Variants in CFHR3 observed in about 807,000 individuals in gnomAD.
CFHR3 encodes complement factor H-related protein 3.
Under a neutral mutation model 36.0 loss-of-function variants are expected in CFHR3, and 22 were observed. The observed-to-expected ratio is 0.61, with a 90% CI of 0.44 to 0.87. The LOEUF (loss-of-function observed/expected upper bound fraction) is 0.87. Ranked by LOEUF, CFHR3 falls within the 40% of genes least tolerant of loss-of-function variation. CFHR3 has a pLI of 0.00. For synonymous variants in CFHR3, 97 were observed against 137.4 expected, an observed-to-expected ratio of 0.71 and a Z score of 2.06; for missense variants, 276 against 401.3, an observed-to-expected ratio of 0.69 and a Z score of 2.67.
intron 3 of CFHR3, among the ~76,000 whole-genome samples, chr1:196,781,582 T>G (rs1653950201): frequency 7.3e-6 from 1 of 137,298 alleles, no homozygotes; most frequent in Non-Finnish European, 1.5e-5. Flanking sequence ...ATGTGTTTTT[T>G]GGCTGCGTAA....
Position 196,788,330 on chromosome 1 carries a change from C to A in CFHR3, c.545C>A (p.Ala182Glu), listed in dbSNP as rs746828567. The A allele has an allele frequency of 1.3e-6, 2 of 1,528,092 alleles. No individual in the cohort carries two copies. Among genetic ancestry groups the A allele is most frequent in the Non-Finnish European group, 1.8e-6 (2 of 1,131,320 alleles). The allele number at this position is 1,528,092 out of a possible 1,614,324, so 94.7% of individuals were successfully genotyped here. The stretch of plus-strand genomic sequence containing the variant: ...AAATGTAAACCAGGATATGCAACAG[C>A]AGATGGAAATTCTTCAGGATCAATT... Reference protein sequence around the residue: ...QYKCKPGYATADGNSSGSITC... With the variant: ...QYKCKPGYATEDGNSSGSITC... The change falls in exon 4 of 6, where the codon GCA becomes GAA. Residue 182 changes from alanine (A) to glutamate (E), a missense_variant. Physicochemically the swap from Ala to Glu is moderately radical, Grantham distance 107. Around this residue, in one of 3 missense-constraint regions of CFHR3, gnomAD observed 178 missense variants for 247.2 expected, o/e 0.72. Coordinates refer to ENST00000367425, the MANE Select transcript of CFHR3 (RefSeq NM_021023.6).
chr1:196,778,796 T>C (rs1653832343), intron 1 of CFHR3, among the ~76,000 whole-genome samples: 1 of 137,048 alleles, frequency 7.3e-6, no homozygotes, highest in East Asian at 2.0e-4. Context: ...AGCTTTAGCA[T>C]AACTTGGTAT....
chr1:196,777,263 G>C (rs1445417470), intron 1 of CFHR3, among the ~76,000 whole-genome samples: 1 of 136,682 alleles, frequency 7.3e-6, no homozygotes, highest in Non-Finnish European at 1.6e-5. Context: ...CAGGTTGTCA[G>C]GAAAATTATT....
At position 196,783,961 on chromosome 1, in the gene CFHR3, C is replaced by T. The variant is rs1203902540; in HGVS notation, c.430+3988C>T. Among the ~76,000 whole-genome samples the T allele has an allele frequency of 2.9e-5, 4 of 135,676 alleles. 1 individual carries two copies. Among genetic ancestry groups the T allele is most frequent in the African/African-American group, 1.2e-4 (4 of 32,144 alleles). The allele number at this position is 135,676 out of a possible 152,430, so 89.0% of individuals were successfully genotyped here. A position where few individuals can be genotyped will look rare whatever the true frequency, so the allele number is the denominator to read the frequency against. On this transcript the variant is annotated intron_variant, in intron 3 of 5. Coordinates refer to ENST00000367425, the MANE Select transcript of CFHR3 (RefSeq NM_021023.6). Reference sequence around the variant, plus strand: ...ATTTAGTGCTATAAATTTCCCTCTACACACTGCTTTGAATGTGTCCCATAG... The same window carrying T: ...ATTTAGTGCTATAAATTTCCCTCTATACACTGCTTTGAATGTGTCCCATAG...
intron 3 of CFHR3, among the ~76,000 whole-genome samples, chr1:196,786,188 C>T (rs1200619414): frequency 7.4e-6 from 1 of 135,678 alleles, no homozygotes; most frequent in Admixed American, 7.1e-5. Flanking sequence ...AGTACCCGGC[C>T]GTGTGAGGTG....
rs1193104548 is a variant in CFHR3, at chr1:196,779,230, T to C, written c.127T>C (p.Phe43Leu). ...LFHENMRRPY[F>L]PVAVGKYYSY... is the part of the protein sequence containing the mutation. Reference sequence around the variant, plus strand: ...TCATGAGAATATGCGTAGACCATACTTTCCAGTAGCTGTAGGAAAATATTA... The same window carrying C: ...TCATGAGAATATGCGTAGACCATACCTTCCAGTAGCTGTAGGAAAATATTA... Residue 43 changes from phenylalanine to leucine, a missense_variant, in exon 2 of 6, where the codon TTT becomes CTT. By Grantham distance (22) the Phe-to-Leu change is conservative (BLOSUM62 0). This residue lies in a region of CFHR3 where 178 missense variants were observed against 247.2 expected (regional missense o/e 0.72). Transcript: ENST00000367425. 1.3e-6 allele frequency: 2 copies of C among 1,529,540 alleles called. 1 individual carries two copies. The highest frequency in any genetic ancestry group is 4.5e-5 in the East Asian group (2 of 44,624). 94.7% of individuals were successfully genotyped at this position (1,529,540 alleles called of 1,614,324 possible). A position where few individuals can be genotyped will look rare whatever the true frequency, so the allele number is the denominator to read the frequency against.
chr1:196,780,015 C>T, intron 3 of CFHR3, 42 bp downstream of exon 3: 1 of 1,527,590 alleles, frequency 6.5e-7, no homozygotes. Context: ...TCATGTCTTT[C>T]TAAGTAACAC....
At position 196,788,930 on chromosome 1, in the gene CFHR3, A is replaced by G. The variant is rs1654315950; in HGVS notation, c.613+532A>G. On this transcript the variant is annotated intron_variant, in intron 4 of 5. Transcript: ENST00000367425. ...CCCTATTGTTTACTACAGAGAAAACAAGTAAAGGAAAAGGGTAAGTGGGTG... is the reference window on the plus strand; with the variant it reads ...CCCTATTGTTTACTACAGAGAAAACGAGTAAAGGAAAAGGGTAAGTGGGTG... 2.2e-6 allele frequency: 3 copies of G among 1,384,862 alleles called. 1 individual carries two copies. The South Asian group carries it at 4.7e-5, about 22-fold the overall frequency. 85.8% of individuals were successfully genotyped at this position (1,384,862 alleles called of 1,614,324 possible). A position where few individuals can be genotyped will look rare whatever the true frequency, so the allele number is the denominator to read the frequency against.
At chr1:196,779,044 A>T in intron 1 of CFHR3, 118 bp from the exon 2 acceptor site, 1 of 811,004 alleles carries the variant, frequency 1.2e-6, no homozygotes, top group Non-Finnish European at 1.9e-6. Flanking sequence ...GAAACTAGTT[A>T]TGGTTGCTGT....
chr1:196,776,340 A>C (rs1653717687), intron 1 of CFHR3, among the ~76,000 whole-genome samples: 1 of 137,422 alleles, frequency 7.3e-6, no homozygotes, highest in African/African-American at 3.0e-5. Context: ...GGAGAAAGTA[A>C]CTCATTTAGT....
chr1:196,786,249 G>A lies in CFHR3; in HGVS notation c.431-1967G>A, dbSNP rs1483322374. 6.6e-5 allele frequency among the ~76,000 whole-genome samples: 9 copies of A among 135,858 alleles called. 1 individual carries two copies. The highest frequency in any genetic ancestry group is 9.3e-5 in the Non-Finnish European group (6 of 64,238). The allele number at this position is 135,858 out of a possible 152,430, so 89.1% of individuals were successfully genotyped here. A position where few individuals can be genotyped will look rare whatever the true frequency, so the allele number is the denominator to read the frequency against. ...CTCCCAGTTAGGCTGCTCGGGGGTT[G>A]GGGTCAGCGACCAACTTGAGGAGGC... On this transcript the variant is annotated intron_variant, in intron 3 of 5. Coordinates refer to ENST00000367425, the MANE Select transcript of CFHR3 (RefSeq NM_021023.6).
chr1:196,786,510 A>G (rs1360971091), intron 3 of CFHR3, among the ~76,000 whole-genome samples: 1 of 134,524 alleles, frequency 7.4e-6, no homozygotes, highest in Non-Finnish European at 1.6e-5. Flanking sequence ...GGGCAATGGC[A>G]GGCCCCCCTC....
At chr1:196,790,272 G>T (rs1654377081) in intron 5 of CFHR3, 45 bp downstream of exon 5, 1 of 1,093,822 alleles carries the variant, frequency 9.1e-7, no homozygotes, top group African/African-American at 2.8e-5. Flanking sequence ...AGAGTAATAA[G>T]TTTGATATTT....
At chr1:196,782,915 T>C (rs183260674) in intron 3 of CFHR3, among the ~76,000 whole-genome samples, 1 of 137,386 alleles carries the variant, frequency 7.3e-6, no homozygotes, top group African/African-American at 3.0e-5. Flanking sequence ...TTTTTGCCCA[T>C]TCAGTATGAT....
chr1:196,783,601 G>T (rs1189331878), intron 3 of CFHR3, among the ~76,000 whole-genome samples: 2 of 133,174 alleles, frequency 1.5e-5, no homozygotes, highest in Non-Finnish European at 3.1e-5. Context: ...AGAGGTGTTT[G>T]TAGTATTCTC....
Position 196,779,256 on chromosome 1 carries a change from C to G in CFHR3, c.153C>G (p.Tyr51Ter). The G allele has an allele frequency of 6.6e-7, 1 of 1,524,182 alleles. No individual in the cohort carries two copies. The highest frequency in any genetic ancestry group is 8.9e-7 in the Non-Finnish European group (1 of 1,125,200). 94.4% of individuals were successfully genotyped at this position (1,524,182 alleles called of 1,614,324 possible). The change falls in exon 2 of 6, where the codon TAC (tyrosine) becomes TAG (stop). Residue 51 changes from tyrosine (Y) to a stop codon, truncating the protein, a stop_gained. Transcript: ENST00000367425. LOFTEE classifies it high-confidence loss of function. ...PYFPVAVGKY[Y>*]SYYCDEHFET... ...TTCCAGTAGCTGTAGGAAAATATTACTCCTATTACTGTGATGAACATTTTG... is the reference window on the plus strand; with the variant it reads ...TTCCAGTAGCTGTAGGAAAATATTAGTCCTATTACTGTGATGAACATTTTG...
intron 3 of CFHR3, among the ~76,000 whole-genome samples, chr1:196,782,892 G>C (rs1251578324): frequency 7.3e-6 from 1 of 137,038 alleles, no homozygotes; most frequent in Non-Finnish European, 1.5e-5. Context: ...GATTTTCAAA[G>C]GAATGCTTCC....
At position 196,789,733 on chromosome 1, in the gene CFHR3, G is replaced by A. The variant is rs1267613144; in HGVS notation, c.614-312G>A. On this transcript the variant is annotated intron_variant, in intron 4 of 5. Transcript: ENST00000367425. ...GTTCCATAGTGTGTGGTGAAGATGG[G>A]TAGTCCCATTTCCCAACATGTTATA... 2.9e-5 allele frequency: 42 copies of A among 1,431,180 alleles called. 7 individuals carry two copies. The highest frequency in any genetic ancestry group is 3.7e-5 in the Non-Finnish European group (40 of 1,082,764). 88.7% of individuals were successfully genotyped at this position (1,431,180 alleles called of 1,614,324 possible). A position where few individuals can be genotyped will look rare whatever the true frequency, so the allele number is the denominator to read the frequency against.
chr1:196,780,902 T>C (rs564060381), intron 3 of CFHR3, among the ~76,000 whole-genome samples: 2 of 129,796 alleles, frequency 1.5e-5, no homozygotes, highest in Admixed American at 7.4e-5. Flanking sequence ...CTGCACCCAT[T>C]AACTCATCAT....
Sources: gnomAD v4.1 joint callset for allele counts (sites outside exome capture counted in the v4.1 genomes callset) on GRCh38, gnomAD v4.1.1 for gene constraint, gnomAD v4.1.1 regional missense constraint, MANE v1.5 for transcripts, NCBI Gene and HGNC (gene_info 2026-07-23, HGNC 2026-07-21) for gene names.